ADAMTS20: variants seen among roughly 807,000 people sequenced by gnomAD.
The protein encoded by ADAMTS20 is ADAM metallopeptidase with thrombospondin type 1 motif 20, also known as A disintegrin and metalloproteinase with thrombospondin motifs 20.
ADAMTS20 carries 225 observed loss-of-function variants against 260.1 expected under a neutral mutation model. The observed-to-expected ratio is 0.87, with a 90% CI of 0.78 to 0.97. ADAMTS20 has a LOEUF of 0.97. Among genes scored for constraint, ADAMTS20 ranks in the 50% least tolerant of loss-of-function variants. ADAMTS20 has a pLI of 0.00. For synonymous variants in ADAMTS20, 802 were observed against 769.5 expected (o/e 1.04, Z -0.70); for missense variants, 2,400 against 2,337.7 (o/e 1.03, Z -0.55).
chr12:43,546,591 G>A (rs537322852), intron 2 of ADAMTS20, among the ~76,000 whole-genome samples: 2 of 152,076 alleles, frequency 1.3e-5, no homozygotes, highest in Non-Finnish European at 1.5e-5. Flanking sequence ...CTCTAAATAC[G>A]TTGGCAAGAG....
chr12:43,375,043 G>A (rs1184791107), intron 36 of ADAMTS20, among the ~76,000 whole-genome samples: 8 of 152,052 alleles, frequency 5.3e-5, no homozygotes, highest in African/African-American at 1.9e-4. Context: ...ATGGTGGCGT[G>A]TGCCTGTAAT....
At chr12:43,446,485 A>C (rs1480860304) in intron 15 of ADAMTS20, 110 bp downstream of exon 15, 2 of 729,292 alleles carry the variant, frequency 2.7e-6, no homozygotes, top group Non-Finnish European at 4.3e-6. Context: ...TTTTGGACTA[A>C]GGGTATAGAG....
intron 27 of ADAMTS20, among the ~76,000 whole-genome samples, chr12:43,426,458 AT>A (rs1383921799): frequency 6.8e-6 from 1 of 148,122 alleles, no homozygotes; most frequent in African/African-American, 2.5e-5. Context: ...GCTAAAAATC[AT>A]TAAGCAAAAA....
intron 37 of ADAMTS20, 145 bp from the exon 38 acceptor site, chr12:43,356,733 C>A (rs1306222606): frequency 3.6e-6 from 2 of 558,840 alleles, no homozygotes; most frequent in Admixed American, 3.2e-5. Context: ...CTCTAGGACT[C>A]TATGATTCGA....
intron 14 of ADAMTS20, among the ~76,000 whole-genome samples, chr12:43,447,444 C>T (rs949841540): frequency 2.0e-5 from 3 of 152,126 alleles, no homozygotes; most frequent in African/African-American, 7.2e-5. Flanking sequence ...ATTCAACACT[C>T]CTTCATGTTA....
intron 3 of ADAMTS20, among the ~76,000 whole-genome samples, chr12:43,523,940 C>A (rs1296227027): frequency 1.3e-5 from 2 of 151,436 alleles, no homozygotes; most frequent in African/African-American, 2.4e-5. Context: ...CCATACATCA[C>A]CCAAGAAACC....
chr12:43,354,288 C>T lies in ADAMTS20; in HGVS notation c.5654G>A (p.Arg1885Lys), dbSNP rs1478180708. 1 of 1,586,022 alleles carries T rather than the reference C, an allele frequency of 6.3e-7. No homozygotes were observed. The highest frequency in any genetic ancestry group is 2.3e-5 in the East Asian group (1 of 44,150). The change falls in exon 39 of 39, where the codon AGA becomes AAA. Residue 1885 changes from arginine to lysine, a missense_variant. By Grantham distance (26) the Arg-to-Lys change is conservative. Coordinates refer to ENST00000389420, the MANE Select transcript of ADAMTS20 (RefSeq NM_025003.5). ...GTACCCTCCACATTTGCCGAAAAAT[C>T]TAGTTCCATCCTGAAAATCGGAAGA... ...VSIRRSEDGTRFFGKCGGYCG... is the reference protein window; with the variant it reads ...VSIRRSEDGTKFFGKCGGYCG...
chr12:43,403,918 A>T (rs550759500), intron 28 of ADAMTS20, among the ~76,000 whole-genome samples: 1 of 152,134 alleles, frequency 6.6e-6, no homozygotes, highest in African/African-American at 2.4e-5. Flanking sequence ...ACATGTCATC[A>T]TATCATTTCC....
intron 11 of ADAMTS20, among the ~76,000 whole-genome samples, chr12:43,459,274 C>T (rs757165438): frequency 6.6e-6 from 1 of 152,168 alleles, no homozygotes; most frequent in African/African-American, 2.4e-5. Context: ...TGCCCATTGC[C>T]GCTCCCCACA....
At chr12:43,538,275 T>C (rs1417428791) in intron 2 of ADAMTS20, among the ~76,000 whole-genome samples, 1 of 152,252 alleles carries the variant, frequency 6.6e-6, no homozygotes, top group African/African-American at 2.4e-5. Context: ...TCAATGATGT[T>C]GAGCATCTTT....
intron 28 of ADAMTS20, among the ~76,000 whole-genome samples, chr12:43,418,152 A>T (rs778644948): frequency 9.9e-5 from 15 of 152,170 alleles, no homozygotes; most frequent in Non-Finnish European, 1.9e-4. Flanking sequence ...AATTTGCTGA[A>T]TTTTTTTCTA....
rs574134224 is a variant in ADAMTS20, at chr12:43,521,733, G to A, written c.613+10303C>T. ...TTTTTTGTTTCCCCAATGCCTATGGGGTAAGCAACAAAATCCTTAAAGTTC... is the reference window on the plus strand; with the variant it reads ...TTTTTTGTTTCCCCAATGCCTATGGAGTAAGCAACAAAATCCTTAAAGTTC... On this transcript the variant is annotated intron_variant, in intron 3 of 38. Transcript: ENST00000389420. Among the ~76,000 whole-genome samples the A allele has an allele frequency of 3.3e-5, 5 of 151,692 alleles. No homozygotes were observed. In the South Asian group the frequency reaches 8.4e-4, roughly 25 times the overall value.
intron 7 of ADAMTS20, among the ~76,000 whole-genome samples, chr12:43,477,082 C>T (rs1221949208): frequency 6.9e-6 from 1 of 144,230 alleles, no homozygotes; most frequent in East Asian, 2.1e-4. Flanking sequence ...ATTACCTTAA[C>T]TATCATTATA....
chr12:43,475,453 C>T (rs1464766520), intron 7 of ADAMTS20, among the ~76,000 whole-genome samples: 17 of 142,668 alleles, frequency 1.2e-4, no homozygotes, highest in African/African-American at 4.3e-4. Context: ...CCCCATCAAG[C>T]TACCAATGCC....
chr12:43,380,023 A>G (rs376095274), intron 31 of ADAMTS20, among the ~76,000 whole-genome samples: 1 of 152,140 alleles, frequency 6.6e-6, no homozygotes, highest in African/African-American at 2.4e-5. Context: ...TCTTAAGAAT[A>G]TAGATGTAAA....
intron 32 of ADAMTS20, 61 bp from the exon 33 acceptor site, chr12:43,376,714 A>G: frequency 6.5e-7 from 1 of 1,542,554 alleles, no homozygotes; most frequent in South Asian, 1.3e-5. Flanking sequence ...CATAAAATCC[A>G]AGTCTCCTTT....
chr12:43,461,154 C>T (rs183760729), intron 11 of ADAMTS20, among the ~76,000 whole-genome samples: 67 of 151,122 alleles, frequency 4.4e-4, no homozygotes, highest in African/African-American at 1.6e-3. Context: ...CCACGCCTGG[C>T]TAATTTTTGT....
chr12:43,403,919 T>C (rs569461478), intron 28 of ADAMTS20, among the ~76,000 whole-genome samples: 5 of 152,220 alleles, frequency 3.3e-5, no homozygotes, highest in African/African-American at 1.2e-4. Context: ...CATGTCATCA[T>C]ATCATTTCCT....
intron 28 of ADAMTS20, among the ~76,000 whole-genome samples, chr12:43,409,109 T>C (rs972386172): frequency 3.3e-5 from 5 of 152,104 alleles, no homozygotes; most frequent in Non-Finnish European, 5.9e-5. Flanking sequence ...AAAAATACTG[T>C]AGTTATGAGA....
Sources: gnomAD v4.1 joint callset for allele counts (sites outside exome capture counted in the v4.1 genomes callset) on GRCh38, gnomAD v4.1.1 for gene constraint, MANE v1.5 for transcripts, NCBI Gene and HGNC (gene_info 2026-07-23, HGNC 2026-07-21) for gene names.